UGT1A10: variants seen among roughly 807,000 people sequenced by gnomAD.
UGT1A10 encodes UDP-glucuronosyltransferase 1A10.
Under a neutral mutation model 45.8 loss-of-function variants are expected in UGT1A10, and 49 were observed. The observed-to-expected ratio is 1.07, with a 90% CI of 0.85 to 1.36. The LOEUF (loss-of-function observed/expected upper bound fraction) is 1.36. UGT1A10 is among the 40% of genes most tolerant of loss of function. The pLI is 0.00. For synonymous variants in UGT1A10, 284 were observed against 249.7 expected, an observed-to-expected ratio of 1.14 and a Z score of -1.29; for missense variants, 745 against 668.6, an observed-to-expected ratio of 1.11 and a Z score of -1.26.
chr2:233,753,976 G>A (rs531716097), intron 1 of UGT1A10, among the ~76,000 whole-genome samples: 12 of 152,206 alleles, frequency 7.9e-5, no homozygotes, highest in Non-Finnish European at 1.6e-4. Flanking sequence ...AACGTGTGTT[G>A]TTTTAAGCCA....
At chr2:233,729,385 G>C (rs1328190991) in intron 1 of UGT1A10, 1 of 1,613,836 alleles carries the variant, frequency 6.2e-7, no homozygotes, top group Admixed American at 1.7e-5. Flanking sequence ...GTGGACCCAG[G>C]ATGAATTTGA....
chr2:233,711,602 GC>G (rs2125624733), intron 1 of UGT1A10, among the ~76,000 whole-genome samples: 1 of 152,258 alleles, frequency 6.6e-6, no homozygotes, highest in African/African-American at 2.4e-5. Context: ...TCCTGCCTGC[GC>G]CCTCTGGTGG....
chr2:233,720,424 T>A (rs1382226869), intron 1 of UGT1A10, among the ~76,000 whole-genome samples: 3 of 151,922 alleles, frequency 2.0e-5, no homozygotes, highest in African/African-American at 7.3e-5. Flanking sequence ...AGGGAGGAGA[T>A]AAGACCGTGA....
At chr2:233,684,663 G>A (rs1026440858) in intron 1 of UGT1A10, among the ~76,000 whole-genome samples, 19 of 151,932 alleles carry the variant, frequency 1.3e-4, no homozygotes, top group Non-Finnish European at 2.2e-4. Flanking sequence ...TGCCTTTAAG[G>A]AATATACATA....
At position 233,647,462 on chromosome 2, in the gene UGT1A10, T is replaced by C. The variant is rs555454292; in HGVS notation, c.855+10085T>C. Among the ~76,000 whole-genome samples, 21 of 152,366 alleles carry C rather than the reference T, an allele frequency of 1.4e-4. No individual in the cohort carries two copies. In the South Asian group the frequency reaches 4.1e-3, roughly 30 times the overall value. On this transcript the variant is annotated intron_variant, in intron 1 of 4. Transcript: ENST00000344644. ...GGACTAGATTGTGAGAAATTGGTAT[T>C]ATTTCTTCCTTCAGTGTTTGGTAGA...
At chr2:233,695,664 CAT>C (rs1168310101) in intron 1 of UGT1A10, among the ~76,000 whole-genome samples, 1 of 151,980 alleles carries the variant, frequency 6.6e-6, no homozygotes, top group Non-Finnish European at 1.5e-5. Context: ...TAAATGAGAA[CAT>C]GTGGTATTTG....
intron 1 of UGT1A10, among the ~76,000 whole-genome samples, chr2:233,735,187 T>C (rs1397498111): frequency 6.8e-6 from 1 of 147,662 alleles, no homozygotes; most frequent in African/African-American, 2.5e-5. Flanking sequence ...GCTTTATGAA[T>C]CTAGGTGCTC....
chr2:233,688,288 G>A (rs562176649), intron 1 of UGT1A10, among the ~76,000 whole-genome samples: 3 of 152,202 alleles, frequency 2.0e-5, no homozygotes, highest in African/African-American at 4.8e-5. Context: ...TGGATTTACC[G>A]CATTTTTTTT....
At chr2:233,735,916 G>A (rs182665210) in intron 1 of UGT1A10, among the ~76,000 whole-genome samples, 217 of 152,260 alleles carry the variant, frequency 1.4e-3, no homozygotes, top group South Asian at 0.012. Context: ...TGGGTAACCC[G>A]ACCTTTCTCT....
intron 1 of UGT1A10, chr2:233,719,328 G>C: frequency 2.5e-6 from 4 of 1,613,970 alleles, no homozygotes; most frequent in Non-Finnish European, 3.4e-6. Context: ...GATTCCTGCT[G>C]TGTTTTTTTG....
At position 233,772,425 on chromosome 2, in the gene UGT1A10, G is replaced by A; in HGVS notation, c.1459G>A (p.Asp487Asn). The change falls in exon 5 of 5, where the codon GAC (aspartate) becomes AAC (asparagine). Residue 487 changes from aspartate (D) to asparagine (N), a missense_variant. By Grantham distance (23) the Asp-to-Asn change is conservative (BLOSUM62 1). Transcript: ENST00000344644. Reference protein sequence around the residue: ...DLTWYQYHSLDVIGFLLAVVL... With the variant: ...DLTWYQYHSLNVIGFLLAVVL... ...CACCTGGTACCAGTACCATTCCTTG[G>A]ACGTGATTGGTTTCCTCTTGGCCGT... 1.2e-6 allele frequency: 2 copies of A among 1,614,224 alleles called. No individual in the cohort carries two copies. Among genetic ancestry groups the A allele is most frequent in the Non-Finnish European group, 1.7e-6 (2 of 1,180,044 alleles).
intron 1 of UGT1A10, among the ~76,000 whole-genome samples, chr2:233,720,460 C>T (rs1575532860): frequency 1.3e-5 from 2 of 152,110 alleles, no homozygotes; most frequent in East Asian, 3.9e-4. Flanking sequence ...GAAGCTGGGA[C>T]CAGTGATGAA....
At chr2:233,768,588 T>C in intron 4 of UGT1A10, 149 bp downstream of exon 4, 52 of 996,612 alleles carry the variant, frequency 5.2e-5, no homozygotes, top group East Asian at 5.1e-4. Flanking sequence ...TCTTCTTTTT[T>C]TTTTTTTTTT....
chr2:233,713,462 C>T lies in UGT1A10; in HGVS notation c.856-53572C>T, dbSNP rs146711966. The T allele has an allele frequency of 1.6e-4, 256 of 1,614,090 alleles. 3 individuals are homozygous for T. The African/African-American group carries it at 2.8e-3, about 18-fold the overall frequency. ...TTCTAACAGACCCCTTTCACCTCTG[C>T]GCGGCGGTGCTGGCTAAGTACCTGT... On this transcript the variant is annotated intron_variant, in intron 1 of 4. Transcript: ENST00000344644.
rs528831440 is a variant in UGT1A10, at chr2:233,734,491, G to GT, written c.856-32536dup. Among the ~76,000 whole-genome samples, 467 of 152,022 alleles carry GT rather than the reference G, an allele frequency of 3.1e-3. 1 individual carries two copies. Among genetic ancestry groups the GT allele is most frequent in the Admixed American group, 5.0e-3 (77 of 15,264 alleles). On this transcript the variant is annotated intron_variant, in intron 1 of 4. Coordinates refer to ENST00000344644, the MANE Select transcript of UGT1A10 (RefSeq NM_019075.4). ...CCTGGATTCATTGATTTTTTTGAAG[G>GT]TTTTTTTGTGTCTCTATCTCTTTCA...
At chr2:233,747,425 A>T in intron 1 of UGT1A10, 8 of 1,445,640 alleles carry the variant, frequency 5.5e-6, no homozygotes, top group Non-Finnish European at 7.7e-6. Flanking sequence ...ACATCAAACA[A>T]GAGAAATTTT....
intron 1 of UGT1A10, among the ~76,000 whole-genome samples, chr2:233,665,922 C>T (rs2074068259): frequency 6.6e-6 from 1 of 152,170 alleles, no homozygotes; most frequent in Non-Finnish European, 1.5e-5. Flanking sequence ...AGAGGTCCAG[C>T]TGTTCATACT....
chr2:233,731,329 A>C (rs1284025044), intron 1 of UGT1A10, among the ~76,000 whole-genome samples: 2 of 150,010 alleles, frequency 1.3e-5, no homozygotes, highest in Admixed American at 6.7e-5. Context: ...GTACATGTGC[A>C]CAAATTGCAG....
intron 1 of UGT1A10, among the ~76,000 whole-genome samples, chr2:233,694,204 C>A (rs2075204763): frequency 6.6e-6 from 1 of 152,134 alleles, no homozygotes; most frequent in Non-Finnish European, 1.5e-5. Flanking sequence ...AGGTTAAAAT[C>A]CATTTTCCCA....
Sources: gnomAD v4.1 joint callset for allele counts (sites outside exome capture counted in the v4.1 genomes callset) on GRCh38, gnomAD v4.1.1 for gene constraint, MANE v1.5 for transcripts, NCBI Gene and HGNC (gene_info 2026-07-23, HGNC 2026-07-21) for gene names.